WDR72: variants seen among roughly 807,000 people sequenced by gnomAD.
WDR72 encodes the protein WD repeat domain 72.
Under a neutral mutation model 124.2 loss-of-function variants are expected in WDR72, and 120 were observed. That is an observed-to-expected ratio of 0.97 (90% CI 0.83 to 1.12). The LOEUF (loss-of-function observed/expected upper bound fraction) is 1.12. Ranked by LOEUF, WDR72 falls within the 50% of genes most tolerant of loss-of-function variation. The pLI is 0.00. For synonymous variants in WDR72, 452 were observed against 441.7 expected (o/e 1.02, Z -0.29); for missense variants, 1,387 against 1,278.8 (o/e 1.08, Z -1.29).
chr15:53,760,619 T>C (rs2019044204), upstream of WDR72, among the ~76,000 whole-genome samples: 1 of 152,222 alleles, frequency 6.6e-6, no homozygotes. Flanking sequence ...TCTTGGCTAT[T>C]GTGAACAGTG....
chr15:53,712,204 C>T (rs1034971726), intron 7 of WDR72, among the ~76,000 whole-genome samples: 2 of 152,094 alleles, frequency 1.3e-5, no homozygotes, highest in African/African-American at 4.8e-5. Context: ...TTAGGATATG[C>T]TACTACATAT....
intron 18 of WDR72, among the ~76,000 whole-genome samples, chr15:53,546,864 A>T (rs528046433): frequency 6.6e-6 from 1 of 152,242 alleles, no homozygotes; most frequent in Non-Finnish European, 1.5e-5. Context: ...TATAATGCTC[A>T]GTCTATACAA....
chr15:53,584,998 C>T (rs964433445), intron 18 of WDR72, among the ~76,000 whole-genome samples: 4 of 152,098 alleles, frequency 2.6e-5, no homozygotes, highest in African/African-American at 9.6e-5. Flanking sequence ...AAATTGTGAA[C>T]TTTAATATCT....
intron 1 of WDR72, among the ~76,000 whole-genome samples, chr15:53,750,699 A>G (rs527503700): frequency 1.3e-5 from 2 of 152,324 alleles, no homozygotes; most frequent in African/African-American, 4.8e-5. Context: ...CATAGCAGGA[A>G]GTCAAAATAT....
chr15:53,556,745 A>G (rs567396843), intron 18 of WDR72, among the ~76,000 whole-genome samples: 5 of 152,172 alleles, frequency 3.3e-5, no homozygotes, highest in African/African-American at 7.2e-5. Context: ...GAAAAAAAAT[A>G]CAGACTGCTA....
intron 1 of WDR72, among the ~76,000 whole-genome samples, chr15:53,734,211 A>T (rs772528788): frequency 1.3e-5 from 2 of 152,210 alleles, no homozygotes; most frequent in Non-Finnish European, 2.9e-5. Flanking sequence ...CTATGAACAC[A>T]AATTTTCCTT....
rs544909977 is a variant in WDR72, at chr15:53,676,924, C to CTTTT, written c.1766-11160_1766-11157dup. Among the ~76,000 whole-genome samples the CTTTT allele has an allele frequency of 6.1e-4, 83 of 135,572 alleles. 1 individual carries two copies. The highest frequency in any genetic ancestry group is 2.1e-3 in the African/African-American group (79 of 37,030). The allele number at this position is 135,572 out of a possible 152,430, so 88.9% of individuals were successfully genotyped here. Reference sequence around the variant, plus strand: ...TACTATTTTATACGTGAAATTCTTGCTTTTTTTTTTTTTTTTGACAGAGTC... The same window carrying CTTTT: ...TACTATTTTATACGTGAAATTCTTGCTTTTTTTTTTTTTTTTTTTTGACAGAGTC... On this transcript the variant is annotated intron_variant, in intron 13 of 19. Coordinates refer to ENST00000360509, the MANE Select transcript of WDR72 (RefSeq NM_182758.4).
At chr15:53,728,673 T>C (rs1440438151) in intron 2 of WDR72, among the ~76,000 whole-genome samples, 1 of 152,172 alleles carries the variant, frequency 6.6e-6, no homozygotes, top group African/African-American at 2.4e-5. Context: ...GGAATCTATC[T>C]GACAGGATAT....
At chr15:53,658,324 A>C (rs2015498528) in intron 14 of WDR72, among the ~76,000 whole-genome samples, 1 of 152,170 alleles carries the variant, frequency 6.6e-6, no homozygotes, top group African/African-American at 2.4e-5. Context: ...AGAGAAACCC[A>C]ATCAAAAAAT....
At chr15:53,687,062 C>G (rs867314033) in intron 13 of WDR72, among the ~76,000 whole-genome samples, 5,767 of 149,600 alleles carry the variant, frequency 0.039, 188 homozygotes, top group Non-Finnish European at 0.049. Context: ...ATTCAAAGCA[C>G]TGTGTAGAGG....
At chr15:53,538,335 G>A (rs1321302065) in intron 18 of WDR72, among the ~76,000 whole-genome samples, 3 of 152,144 alleles carry the variant, frequency 2.0e-5, no homozygotes, top group Non-Finnish European at 4.4e-5. Context: ...ACTTGTGCAT[G>A]GTTCTTGATT....
intron 18 of WDR72, among the ~76,000 whole-genome samples, chr15:53,568,917 C>G (rs1906430): frequency 0.64 from 97,293 of 151,792 alleles, 33,471 homozygotes; most frequent in Middle Eastern, 0.83. Flanking sequence ...AAGAATGGTA[C>G]GATATATACT....
chr15:53,570,255 A>G (rs1894462136), intron 18 of WDR72, among the ~76,000 whole-genome samples: 1 of 106,324 alleles, frequency 9.4e-6, no homozygotes, highest in Non-Finnish European at 1.9e-5. Flanking sequence ...GTATTACCTC[A>G]TATACCATTT....
At chr15:53,755,813 A>C (rs1374034586) in intron 1 of WDR72, among the ~76,000 whole-genome samples, 1 of 152,242 alleles carries the variant, frequency 6.6e-6, no homozygotes. Flanking sequence ...AGTTTCTCCA[A>C]GGAAGTCCAA....
At chr15:53,597,647 A>G (rs997962186) in intron 17 of WDR72, among the ~76,000 whole-genome samples, 1 of 152,220 alleles carries the variant, frequency 6.6e-6, no homozygotes, top group African/African-American at 2.4e-5. Flanking sequence ...AGACAAGGTT[A>G]GATCCTCAAA....
At chr15:53,755,740 C>T (rs1446856633) in intron 1 of WDR72, among the ~76,000 whole-genome samples, 6 of 152,194 alleles carry the variant, frequency 3.9e-5, no homozygotes, top group African/African-American at 1.4e-4. Flanking sequence ...GCCTGGTTCC[C>T]ACAAAGCAGG....
intron 18 of WDR72, among the ~76,000 whole-genome samples, chr15:53,570,177 T>C (rs1259457293): frequency 6.6e-6 from 1 of 152,102 alleles, no homozygotes; most frequent in East Asian, 1.9e-4. Context: ...ATATATTTAT[T>C]GGGCACAACA....
chr15:53,682,780 G>C (rs1402823025), intron 13 of WDR72, among the ~76,000 whole-genome samples: 1 of 152,068 alleles, frequency 6.6e-6, no homozygotes. Context: ...ACCTCCGCTT[G>C]TTATTCAGTT....
chr15:53,629,528 A>G (rs2014342072), intron 14 of WDR72, among the ~76,000 whole-genome samples: 1 of 152,066 alleles, frequency 6.6e-6, no homozygotes, highest in East Asian at 1.9e-4. Flanking sequence ...AGTTTTTAGA[A>G]ATATTAGGAA....
Sources: allele counts gnomAD v4.1 joint callset (sites outside exome capture counted in the v4.1 genomes callset), GRCh38; gene constraint gnomAD v4.1.1; transcripts MANE v1.5; gene names NCBI Gene and HGNC (gene_info 2026-07-23, HGNC 2026-07-21).